The following IL23R variants were observed in gnomAD, a reference collection of about 807,000 sequenced individuals.
IL23R encodes the protein interleukin-23 receptor.
A neutral mutation model predicts 56.9 loss-of-function variants in IL23R; 34 were observed. The observed-to-expected ratio is 0.60, with a 90% CI of 0.45 to 0.80. The LOEUF (loss-of-function observed/expected upper bound fraction) is 0.80. Ranked by LOEUF, IL23R falls within the 30% of genes least tolerant of loss-of-function variation. IL23R has a pLI of 0.00. For missense variants in IL23R, 635 were observed against 730.0 expected, an observed-to-expected ratio of 0.87 and a Z score of 1.50; for synonymous variants, 230 against 249.2, an observed-to-expected ratio of 0.92 and a Z score of 0.73.
chr1:67,238,284 G>T (rs1651615696), intron 8 of IL23R, among the ~76,000 whole-genome samples: 1 of 150,222 alleles, frequency 6.7e-6, no homozygotes, highest in Non-Finnish European at 1.5e-5. Context: ...AGAGATAGAG[G>T]CTGCAGTGAG....
At chr1:67,189,678 C>T (rs1647600808) in intron 4 of IL23R, among the ~76,000 whole-genome samples, 1 of 152,192 alleles carries the variant, frequency 6.6e-6, no homozygotes, top group South Asian at 2.1e-4. Context: ...GGCGCAGTGG[C>T]TCATGCCTGT....
intron 1 of IL23R, among the ~76,000 whole-genome samples, chr1:67,149,519 C>T (rs555793844): frequency 6.6e-6 from 1 of 152,208 alleles, no homozygotes; most frequent in African/African-American, 2.4e-5. Context: ...GACAGGGTCT[C>T]ATTCACGTTT....
intron 1 of IL23R, among the ~76,000 whole-genome samples, chr1:67,157,673 C>T (rs752164639): frequency 3.3e-5 from 5 of 152,218 alleles, no homozygotes; most frequent in Admixed American, 1.3e-4. Flanking sequence ...CCTGCTTCCT[C>T]GCTTCTATTA....
At chr1:67,159,635 C>G (rs931298373) in intron 1 of IL23R, among the ~76,000 whole-genome samples, 2 of 152,074 alleles carry the variant, frequency 1.3e-5, no homozygotes, top group African/African-American at 4.8e-5. Flanking sequence ...GTGGTGCATG[C>G]TTGTGGTCCC....
intron 3 of IL23R, among the ~76,000 whole-genome samples, chr1:67,169,949 A>C (rs1189106802): frequency 6.6e-6 from 1 of 152,236 alleles, no homozygotes; most frequent in Admixed American, 6.5e-5. Context: ...CATTCAAAAA[A>C]CAATTTTTCA....
chr1:67,215,607 C>T (rs1649778585), intron 6 of IL23R, among the ~76,000 whole-genome samples: 2 of 152,162 alleles, frequency 1.3e-5, no homozygotes, highest in South Asian at 4.1e-4. Context: ...TGGTAAAGGG[C>T]CAGGATATGG....
intron 1 of IL23R, among the ~76,000 whole-genome samples, chr1:67,145,440 G>A (rs1646671152): frequency 6.6e-6 from 1 of 152,160 alleles, no homozygotes; most frequent in Admixed American, 6.5e-5. Context: ...TAAGTATTTT[G>A]TGTAAATTAG....
At chr1:67,153,624 C>A (rs965423472) in intron 1 of IL23R, among the ~76,000 whole-genome samples, 1 of 152,092 alleles carries the variant, frequency 6.6e-6, no homozygotes, top group Non-Finnish European at 1.5e-5. Context: ...TTAGCTGTGT[C>A]CCAGAGATTC....
chr1:67,163,468 C>CAAAAAAAAAAAAAAAAAAAAAAAA (rs57495148), upstream of IL23R, among the ~76,000 whole-genome samples: 2 of 49,586 alleles, frequency 4.0e-5, no homozygotes, highest in Non-Finnish European at 6.5e-5. Flanking sequence ...GACCCTGTCT[C>CAAAAAAAAAAAAAAAAAAAAAAAA]AAAAAAAAAA....
intron 9 of IL23R, among the ~76,000 whole-genome samples, chr1:67,243,608 A>G (rs1388744502): frequency 1.3e-5 from 2 of 151,952 alleles, no homozygotes; most frequent in African/African-American, 2.4e-5. Flanking sequence ...CGGTTTCCAG[A>G]TTCATCCATG....
intron 9 of IL23R, among the ~76,000 whole-genome samples, chr1:67,242,942 T>C (rs145214643): frequency 6.6e-6 from 1 of 152,222 alleles, no homozygotes; most frequent in Non-Finnish European, 1.5e-5. Context: ...GAAGCTTTGA[T>C]TGTTTTCCCA....
intron 4 of IL23R, among the ~76,000 whole-genome samples, chr1:67,186,429 C>T (rs1033483984): frequency 8.5e-5 from 13 of 152,124 alleles, no homozygotes; most frequent in African/African-American, 3.1e-4. Flanking sequence ...TCACTACAAT[C>T]AATATTGAAC....
intron 3 of IL23R, among the ~76,000 whole-genome samples, chr1:67,175,241 A>C (rs1233122280): frequency 6.6e-6 from 1 of 152,134 alleles, no homozygotes; most frequent in African/African-American, 2.4e-5. Context: ...GCTGGGCAGG[A>C]ATGGGGGTGG....
chr1:67,151,783 G>A (rs1646730580), intron 1 of IL23R, among the ~76,000 whole-genome samples: 1 of 152,092 alleles, frequency 6.6e-6, no homozygotes, highest in Non-Finnish European at 1.5e-5. Context: ...TTGTTTCTGA[G>A]GTCTCTGTTC....
chr1:67,264,405 A>G (rs979504525), downstream of IL23R, among the ~76,000 whole-genome samples: 1 of 152,228 alleles, frequency 6.6e-6, no homozygotes, highest in Non-Finnish European at 1.5e-5. Context: ...AAGCAATTAT[A>G]CCAATTATAG....
chr1:67,138,801 C>A (rs565944842), upstream of IL23R: 1 of 152,452 alleles, frequency 6.6e-6, no homozygotes, highest in South Asian at 2.1e-4. Flanking sequence ...GACTTCAGAA[C>A]TTCTGCAGCC....
At chr1:67,143,581 T>G (rs1570751241) in intron 1 of IL23R, among the ~76,000 whole-genome samples, 1 of 152,064 alleles carries the variant, frequency 6.6e-6, no homozygotes, top group Non-Finnish European at 1.5e-5. Context: ...GAGGCTGGAG[T>G]GCTTTTATTC....
At chr1:67,178,194 TA>T (rs1243025688) in intron 3 of IL23R, among the ~76,000 whole-genome samples, 1 of 152,016 alleles carries the variant, frequency 6.6e-6, no homozygotes, top group Non-Finnish European at 1.5e-5. Flanking sequence ...ATTGAATCTA[TA>T]AATTACCTTG....
In IL23R at chr1:67,160,932, G is replaced by A. The variant is rs551949700; in HGVS notation, c.-633-7160G>A. Among the ~76,000 whole-genome samples, 3 of 152,170 alleles carry A rather than the reference G, an allele frequency of 2.0e-5. No homozygotes were observed. The South Asian group carries it at 6.2e-4, about 32-fold the overall frequency. On this transcript the variant is annotated intron_variant, in intron 1 of 10. Transcript: ENST00000637002. ...AGACTTCATAAGATTTTTTCTTATT[G>A]ATTGGCAAGAGTGAATCAATAAAAC...
Sources: allele counts gnomAD v4.1 joint callset (sites outside exome capture counted in the v4.1 genomes callset), GRCh38; gene constraint gnomAD v4.1.1; transcripts MANE v1.5; gene names NCBI Gene and HGNC (gene_info 2026-07-23, HGNC 2026-07-21).